NCOA3: variants seen among roughly 807,000 people sequenced by gnomAD.
The protein encoded by NCOA3 is nuclear receptor coactivator 3.
NCOA3 carries 51 observed loss-of-function variants against 158.8 expected under a neutral mutation model. The observed-to-expected ratio is 0.32, with a 90% confidence interval of 0.26 to 0.41. The LOEUF is 0.41. NCOA3 is among the 10% of genes least tolerant of loss of function. NCOA3 has a pLI of 1.00. For synonymous variants in NCOA3, 537 were observed against 592.4 expected (o/e 0.91, Z 1.36); for missense variants, 1,510 against 1,746.6 (o/e 0.86, Z 2.41).
intron 1 of NCOA3, among the ~76,000 whole-genome samples, chr20:47,542,633 CACCTGTGAAT>C (rs1162870542): frequency 6.6e-6 from 1 of 152,090 alleles, no homozygotes; most frequent in African/African-American, 2.4e-5. Flanking sequence ...GCTGTGATTG[CACCTGTGAAT>C]AGGCAATTCC....
intron 2 of NCOA3, among the ~76,000 whole-genome samples, chr20:47,590,653 A>G (rs1476470830): frequency 6.6e-6 from 1 of 152,200 alleles, no homozygotes; most frequent in African/African-American, 2.4e-5. Flanking sequence ...AATAAAAAAT[A>G]AAAACATTAA....
chr20:47,503,383 GT>G (rs757849284), intron 1 of NCOA3, among the ~76,000 whole-genome samples: 7 of 152,198 alleles, frequency 4.6e-5, no homozygotes, highest in Non-Finnish European at 5.9e-5. Flanking sequence ...TTAGAATATG[GT>G]TCTACCGAAT....
chr20:47,632,689 G>GT (rs35508741), intron 8 of NCOA3, among the ~76,000 whole-genome samples: 105 of 141,246 alleles, frequency 7.4e-4, no homozygotes, highest in East Asian at 2.8e-3. Context: ...GCTGGCCCGA[G>GT]TTTTTTTTTT....
At chr20:47,636,791 A>G (rs747521123) in intron 12 of NCOA3, 29 bp downstream of exon 12, 12 of 1,533,730 alleles carry the variant, frequency 7.8e-6, no homozygotes, top group Middle Eastern at 3.5e-4. Flanking sequence ...ATTTCAGCTC[A>G]TATTTCATCA....
chr20:47,552,790 T>C (rs1049185176), intron 1 of NCOA3, among the ~76,000 whole-genome samples: 1 of 152,200 alleles, frequency 6.6e-6, no homozygotes, highest in Non-Finnish European at 1.5e-5. Flanking sequence ...ATCTGGGTCT[T>C]GTTCTAGAGA....
At chr20:47,525,709 G>C (rs1344105200) in intron 1 of NCOA3, among the ~76,000 whole-genome samples, 93 of 131,094 alleles carry the variant, frequency 7.1e-4, no homozygotes, top group Non-Finnish European at 1.3e-3. Flanking sequence ...GGCCGGGCGG[G>C]GGGCTGACCC....
intron 4 of NCOA3, 61 bp from the exon 5 acceptor site, chr20:47,625,320 A>G: frequency 8.8e-7 from 1 of 1,136,494 alleles, no homozygotes; most frequent in Non-Finnish European, 1.3e-6. Flanking sequence ...GGACTATTCG[A>G]AGGTGATTTA....
rs1437999803 is a variant in NCOA3 at position 47,627,002 on chromosome 20, G to T, written c.358G>T (p.Ala120Ser). The change falls in exon 6 of 23, where the codon GCA (alanine) becomes TCA (serine). Residue 120 changes from alanine (A) to serine (S), a missense_variant and splice_region_variant. Physicochemically the swap from Ala to Ser is moderately conservative, Grantham distance 99. Around this residue, in one of 4 missense-constraint regions of NCOA3, gnomAD observed 309 missense variants for 427.1 expected, o/e 0.72. Coordinates refer to ENST00000371998, the MANE Select transcript of NCOA3 (RefSeq NM_181659.3). ...KDSLGPLLLQALDGFLFVVNR... is the reference protein window; with the variant it reads ...KDSLGPLLLQSLDGFLFVVNR... ...CCTGTATTAACATATCCTATTTTAG[G>T]CATTGGATGGTTTCCTATTTGTGGT... The T allele has an allele frequency of 6.2e-7, 1 of 1,610,348 alleles. No individual in the cohort carries two copies.
At chr20:47,592,514 TATTTC>T (rs1314163347) in intron 2 of NCOA3, among the ~76,000 whole-genome samples, 1 of 152,238 alleles carries the variant, frequency 6.6e-6, no homozygotes, top group Non-Finnish European at 1.5e-5. Flanking sequence ...TTTTACCTCT[TATTTC>T]ATTCCTACAG....
chr20:47,638,302 C>G (rs1023112444), intron 13 of NCOA3, among the ~76,000 whole-genome samples: 2 of 152,088 alleles, frequency 1.3e-5, no homozygotes, highest in Non-Finnish European at 2.9e-5. Flanking sequence ...CCCAGCTACT[C>G]GGGAGGCTAA....
At chr20:47,624,731 G>A (rs1644575254) in intron 4 of NCOA3, among the ~76,000 whole-genome samples, 2 of 152,128 alleles carry the variant, frequency 1.3e-5, no homozygotes, top group Admixed American at 1.3e-4. Flanking sequence ...TAGCAAGTAT[G>A]GGAATAGACA....
At chr20:47,514,713 CTTTTTTTTTT>C (rs143888226) in intron 1 of NCOA3, among the ~76,000 whole-genome samples, 17 of 104,998 alleles carry the variant, frequency 1.6e-4, no homozygotes, top group African/African-American at 6.5e-4. Flanking sequence ...TTGTTTTTTG[CTTTTTTTTTT>C]TTTTTTTTTT....
intron 1 of NCOA3, among the ~76,000 whole-genome samples, chr20:47,551,156 A>G (rs897123840): frequency 6.6e-6 from 1 of 152,180 alleles, no homozygotes; most frequent in East Asian, 1.9e-4. Context: ...GTTCTTTTCA[A>G]TATGTAAGAG....
chr20:47,501,964 G>C lies in NCOA3; in HGVS notation c.-154G>C. 1 of 399,844 alleles carries C rather than the reference G, an allele frequency of 2.5e-6. No homozygotes were observed. Among genetic ancestry groups the C allele is most frequent in the Non-Finnish European group, 4.4e-6 (1 of 226,910 alleles). 24.8% of individuals were successfully genotyped at this position (399,844 alleles called of 1,614,324 possible). On this transcript the variant is annotated 5_prime_UTR_variant, in exon 1 of 23. Coordinates refer to ENST00000371998, the MANE Select transcript of NCOA3 (RefSeq NM_181659.3). ...CGGTGGCGGCCGGCGGCGGCTGCGG[G>C]CTGAGCGGCGAGTTTCCGATTTAAA... is the stretch of plus-strand genomic sequence containing the variant.
rs745848196 is a variant in NCOA3, at chr20:47,622,259, A to C, written c.12A>C (p.Leu4Phe). Residue 4 changes from leucine to phenylalanine, a missense_variant, in exon 3 of 23, where the codon TTA (leucine) becomes TTC (phenylalanine). Coordinates refer to ENST00000371998, the MANE Select transcript of NCOA3 (RefSeq NM_181659.3). MSG[L>F]GENLDPLASD... ...GATGTATATTCAAGATGAGTGGATT[A>C]GGAGAAAACTTGGATCCACTGGCCA... 3.7e-6 allele frequency: 6 copies of C among 1,603,610 alleles called. No individual in the cohort carries two copies. In the South Asian group the frequency reaches 6.7e-5, roughly 18 times the overall value.
chr20:47,605,026 C>T (rs1053283859), intron 2 of NCOA3, among the ~76,000 whole-genome samples: 1 of 152,158 alleles, frequency 6.6e-6, no homozygotes, highest in Non-Finnish European at 1.5e-5. Context: ...TGCCACTACC[C>T]CCGGCCAATC....
intron 2 of NCOA3, among the ~76,000 whole-genome samples, chr20:47,589,469 T>C (rs1602447200): frequency 6.6e-6 from 1 of 151,896 alleles, no homozygotes; most frequent in Non-Finnish European, 1.5e-5. Context: ...TCTGCCTCCC[T>C]GGTTCAAGTG....
At chr20:47,653,105 GT>G (rs1479631320) in intron 22 of NCOA3, 33 bp downstream of exon 22, 1 of 1,611,432 alleles carries the variant, frequency 6.2e-7, no homozygotes, top group Admixed American at 1.7e-5. Context: ...TTTTCAAAAA[GT>G]TTTTCTTGTT....
At chr20:47,567,575 T>C (rs2085217946) in intron 1 of NCOA3, among the ~76,000 whole-genome samples, 1 of 151,910 alleles carries the variant, frequency 6.6e-6, no homozygotes, top group African/African-American at 2.4e-5. Flanking sequence ...CTAATTCTTT[T>C]CTTTCTTTTT....
Sources: allele counts gnomAD v4.1 joint callset (sites outside exome capture counted in the v4.1 genomes callset), GRCh38; gene constraint gnomAD v4.1.1; regional missense constraint gnomAD v4.1.1; transcripts MANE v1.5; gene names NCBI Gene and HGNC (gene_info 2026-07-23, HGNC 2026-07-21).